HEATR5A: variants seen among roughly 807,000 people sequenced by gnomAD.
HEATR5A encodes the protein HEAT repeat containing 5A.
Under a neutral mutation model 218.8 loss-of-function variants are expected in HEATR5A, and 178 were observed. The ratio of observed to expected loss-of-function variants is 0.81; its 90% CI spans 0.72 to 0.92. The LOEUF is 0.92. Ranked by LOEUF, HEATR5A falls within the 40% of genes least tolerant of loss-of-function variation. The pLI, the probability that HEATR5A is intolerant of heterozygous loss-of-function variation, is 0.00. For synonymous variants in HEATR5A, 864 were observed against 871.6 expected (o/e 0.99, Z 0.15); for missense variants, 2,420 against 2,418.9 (o/e 1.00, Z -0.01).
At chr14:31,401,230 C>G (rs1489991703) in intron 2 of HEATR5A, among the ~76,000 whole-genome samples, 1 of 152,002 alleles carries the variant, frequency 6.6e-6, no homozygotes, top group Admixed American at 6.6e-5. Context: ...AGGGGAGGGG[C>G]CTGCTAGGAG....
Position 31,326,443 on chromosome 14 carries a change from C to T in HEATR5A, c.3368-101G>A, listed in dbSNP as rs1339162605. 8 of 845,272 alleles carry T rather than the reference C, an allele frequency of 9.5e-6. No homozygotes were observed. In the East Asian group the frequency reaches 2.0e-4, roughly 21 times the overall value. 52.4% of individuals were successfully genotyped at this position (845,272 alleles called of 1,614,324 possible). A position where few individuals can be genotyped will look rare whatever the true frequency, so the allele number is the denominator to read the frequency against. On this transcript the variant is annotated intron_variant, in intron 22 of 35. Transcript: ENST00000543095. ...GTTATTCAAATAGTAGATAAAAATA[C>T]ATCTTAAAGAACTAGCCCAAATACT...
rs555076490 is a variant in HEATR5A, at chr14:31,355,282, C to T, written c.2411+3355G>A. ...TATAAAAATTAGCCAGGCATGGTGG[C>T]GTGTGCTGTAGTCCCAGCTACTCGG... On this transcript the variant is annotated intron_variant, in intron 16 of 35. Transcript: ENST00000543095. Among the ~76,000 whole-genome samples, 9 of 151,810 alleles carry T rather than the reference C, an allele frequency of 5.9e-5. No homozygotes were observed. The South Asian group carries it at 1.7e-3, about 28-fold the overall frequency.
chr14:31,304,979 A>G lies in HEATR5A; in HGVS notation c.5165T>C (p.Leu1722Ser), dbSNP rs1337162717. The change falls in exon 32 of 36, where the codon TTA (leucine) becomes TCA (serine). Residue 1722 changes from leucine to serine, a missense_variant. Physicochemically the swap from Leu to Ser is moderately radical, Grantham distance 145 (BLOSUM62 -2). Transcript: ENST00000543095. ...GVKATKPQIL[L>S]EDGSRLVSAA... ...TGAAACCAATCTACTTCCATCTTCT[A>G]ATAGTATCTGTGGCTTCGTAGCTTT... The G allele has an allele frequency of 1.2e-6, 2 of 1,614,004 alleles. No homozygotes were observed. The highest frequency in any genetic ancestry group is 3.3e-4 in the Middle Eastern group (2 of 6,062).
chr14:31,373,364 T>C (rs1032220537), intron 12 of HEATR5A, among the ~76,000 whole-genome samples: 1 of 151,934 alleles, frequency 6.6e-6, no homozygotes, highest in Non-Finnish European at 1.5e-5. Context: ...GTTTCACTCT[T>C]GTTGTCCAGG....
chr14:31,329,210 C>T (rs1397840927), intron 22 of HEATR5A, among the ~76,000 whole-genome samples: 1 of 152,152 alleles, frequency 6.6e-6, no homozygotes, highest in South Asian at 2.1e-4. Flanking sequence ...TATCATTCCA[C>T]CCCTGGCCCC....
chr14:31,383,505 A>G lies in HEATR5A; in HGVS notation c.1596+16T>C, dbSNP rs368219255. On this transcript the variant is annotated intron_variant, in intron 10 of 35. Coordinates refer to ENST00000543095, the MANE Select transcript of HEATR5A (RefSeq NM_015473.4). Reference sequence around the variant, plus strand: ...AAAAGCACCTCATTATCATACATAGAGAATGAAATCATTACCTTGCCTTTT... The same window carrying G: ...AAAAGCACCTCATTATCATACATAGGGAATGAAATCATTACCTTGCCTTTT... The G allele has an allele frequency of 1.2e-6, 2 of 1,603,004 alleles. No individual in the cohort carries two copies. Among genetic ancestry groups the G allele is most frequent in the African/African-American group, 2.7e-5 (2 of 74,618 alleles).
At chr14:31,418,912 T>C (rs373281562) in intron 1 of HEATR5A, among the ~76,000 whole-genome samples, 1 of 152,202 alleles carries the variant, frequency 6.6e-6, no homozygotes, top group Non-Finnish European at 1.5e-5. Context: ...GTAAGTGTAT[T>C]GGTTAAAGAC....
chr14:31,333,529 G>A (rs2139186902), intron 22 of HEATR5A, among the ~76,000 whole-genome samples: 1 of 152,232 alleles, frequency 6.6e-6, no homozygotes, highest in East Asian at 1.9e-4. Context: ...TGGGATAACA[G>A]GCGAGAGCCC....
chr14:31,361,294 G>A (rs1163987339), intron 14 of HEATR5A, among the ~76,000 whole-genome samples: 2 of 152,046 alleles, frequency 1.3e-5, no homozygotes, highest in Non-Finnish European at 2.9e-5. Flanking sequence ...ATAATAGGAA[G>A]GTAGGAACTA....
intron 33 of HEATR5A, among the ~76,000 whole-genome samples, chr14:31,298,268 GT>G (rs1899255691): frequency 6.6e-6 from 1 of 151,578 alleles, no homozygotes. Flanking sequence ...AAGCCACTAA[GT>G]TTTGAGGCAA....
intron 33 of HEATR5A, among the ~76,000 whole-genome samples, chr14:31,301,093 A>G (rs546081282): frequency 6.6e-6 from 1 of 152,328 alleles, no homozygotes; most frequent in East Asian, 1.9e-4. Context: ...AGTTGAAAAC[A>G]TTTTATATGT....
At chr14:31,339,614 C>T (rs926982714) in intron 21 of HEATR5A, among the ~76,000 whole-genome samples, 20 of 152,022 alleles carry the variant, frequency 1.3e-4, no homozygotes, top group Admixed American at 7.9e-4. Context: ...GATAGGGTAT[C>T]GCTCTGTTAC....
intron 9 of HEATR5A, among the ~76,000 whole-genome samples, chr14:31,384,355 G>T (rs2030118093): frequency 6.6e-6 from 1 of 151,426 alleles, no homozygotes; most frequent in African/African-American, 2.4e-5. Flanking sequence ...GAGGTGGGAG[G>T]ATCGCTTGAG....
intron 32 of HEATR5A, among the ~76,000 whole-genome samples, chr14:31,303,886 A>G (rs1323610004): frequency 6.6e-6 from 1 of 152,188 alleles, no homozygotes; most frequent in East Asian, 1.9e-4. Context: ...GCAGAGCTAC[A>G]CAGAGAACCT....
At position 31,345,214 on chromosome 14, in the gene HEATR5A, A is replaced by G. The variant is rs1318346963; in HGVS notation, c.2931T>C (p.His977=). Residue 977 remains histidine (H), a synonymous_variant, in exon 20 of 36, where the codon CAT becomes CAC. Transcript: ENST00000543095. ...TAATAAGAGAAAGGGTAGGTTCCAC[A>G]TGCACATAATAGAGTGGGCCAGCAG... The part of the protein sequence containing the change: ...IDSAGPLYYV[H]VEPTLSLIIM... 8 of 1,613,392 alleles carry G rather than the reference A, an allele frequency of 5.0e-6. No individual in the cohort carries two copies. The highest frequency in any genetic ancestry group is 6.8e-6 in the Non-Finnish European group (8 of 1,179,446).
intron 22 of HEATR5A, among the ~76,000 whole-genome samples, chr14:31,333,786 C>A (rs927441323): frequency 4.0e-5 from 6 of 151,734 alleles, no homozygotes; most frequent in Non-Finnish European, 8.8e-5. Context: ...AATCCCAGCA[C>A]TTTGGGAGGC....
chr14:31,306,699 T>C, intron 31 of HEATR5A, 33 bp downstream of exon 31: 8 of 1,575,020 alleles, frequency 5.1e-6, no homozygotes, highest in Non-Finnish European at 6.9e-6. Flanking sequence ...ATGATGCTAT[T>C]TGATCAACTC....
At chr14:31,312,776 T>C (rs770919693) in intron 28 of HEATR5A, among the ~76,000 whole-genome samples, 192 bp downstream of exon 28, 11 of 152,050 alleles carry the variant, frequency 7.2e-5, no homozygotes, top group Non-Finnish European at 1.5e-4. Flanking sequence ...TGTGTGCCTG[T>C]AGTCCTTGCT....
Position 31,337,555 on chromosome 14 carries a change from C to G in HEATR5A, c.3288G>C (p.Gln1096His). ...CTTCAGCTGCTTCTCTTTGTACAAG[C>G]TGACGTAAGCAAGCCAGTACTGCTC... ...LRRAVLACLRQLVQREAAEVS... is the reference protein window; with the variant it reads ...LRRAVLACLRHLVQREAAEVS... Residue 1096 changes from glutamine (Q) to histidine (H), a missense_variant, in exon 22 of 36, where the codon CAG becomes CAC. Physicochemically the swap from Gln to His is conservative, Grantham distance 24. Coordinates refer to ENST00000543095, the MANE Select transcript of HEATR5A (RefSeq NM_015473.4). 6.3e-7 allele frequency: 1 copy of G among 1,587,328 alleles called. No individual in the cohort carries two copies.
Sources: gnomAD v4.1 joint callset for allele counts (sites outside exome capture counted in the v4.1 genomes callset) on GRCh38, gnomAD v4.1.1 for gene constraint, MANE v1.5 for transcripts, NCBI Gene and HGNC (gene_info 2026-07-23, HGNC 2026-07-21) for gene names.